Variants in PKD1 observed in about 807,000 individuals in gnomAD.
PKD1 encodes polycystin-1.
Under a neutral mutation model 361.7 loss-of-function variants are expected in PKD1, and 81 were observed. The ratio of observed to expected loss-of-function variants is 0.22; its 90% CI spans 0.19 to 0.27. PKD1 has a LOEUF of 0.27. PKD1 is among the 10% of genes least tolerant of loss of function. The probability of loss-of-function intolerance (pLI) is 1.00; values close to 1 mark genes in which losing one functional copy is unlikely to be tolerated. For missense variants in PKD1, 6,399 were observed against 6,118.3 expected (o/e 1.05, Z -1.53); for synonymous variants, 3,615 against 2,818.3 (o/e 1.28, Z -8.95).
At chr16:2,092,390 G>T in intron 39 of PKD1, 90 bp downstream of exon 39, 1 of 1,023,416 alleles carries the variant, frequency 9.8e-7, no homozygotes. Context: ...CACACAGCTA[G>T]GGAGCAGGGC....
rs965933883 is a variant in PKD1 at position 2,091,415 on chromosome 16, G to A, written c.11712+8C>T. On this transcript the variant is annotated splice_region_variant and intron_variant, in intron 42 of 45. Coordinates refer to ENST00000262304, the MANE Select transcript of PKD1 (RefSeq NM_001009944.3). ...GGAGGCGCGGGGTCTGGCCGGGGAC[G>A]GGCGTACCGAGGTGAGCAGAGGCAG... is the stretch of plus-strand genomic sequence containing the variant. The A allele has an allele frequency of 2.3e-5, 26 of 1,142,058 alleles. No homozygotes were observed. Among genetic ancestry groups the A allele is most frequent in the South Asian group, 3.3e-5 (1 of 29,856 alleles). The allele number at this position is 1,142,058 out of a possible 1,614,324, so 70.7% of individuals were successfully genotyped here. A position where few individuals can be genotyped will look rare whatever the true frequency, so the allele number is the denominator to read the frequency against.
Position 2,097,973 on chromosome 16 carries a change from G to C in PKD1, c.10062C>G (p.Ser3354Arg), listed in dbSNP as rs745944405. The change falls in exon 31 of 46, where the codon AGC (serine) becomes AGG (arginine). Residue 3354 changes from serine to arginine, a missense_variant. Ser to Arg is a moderately radical substitution (Grantham distance 110). Transcript: ENST00000262304. The part of the protein sequence containing the change: ...FRMSRSKVAG[S>R]PSPTPAGQQV... ...GCTGCCCGGCAGGTGTGGGGCTCGG[G>C]CTCCCAGCCACCTGCAGGACGAGGG... 24 of 1,580,866 alleles carry C rather than the reference G, an allele frequency of 1.5e-5. No homozygotes were observed. The South Asian group carries it at 1.6e-4, about 10-fold the overall frequency.
chr16:2,108,553 G>C lies in PKD1; in HGVS notation c.6614C>G (p.Ala2205Gly). 1.9e-6 allele frequency: 3 copies of C among 1,599,398 alleles called. No individual in the cohort carries two copies. Among genetic ancestry groups the C allele is most frequent in the African/African-American group, 2.7e-5 (2 of 74,696 alleles). The change falls in exon 15 of 46, where the codon GCC (alanine) becomes GGC (glycine). Residue 2205 changes from alanine (A) to glycine (G), a missense_variant. Physicochemically the swap from Ala to Gly is moderately conservative, Grantham distance 60 (BLOSUM62 0). Coordinates refer to ENST00000262304, the MANE Select transcript of PKD1 (RefSeq NM_001009944.3). ...CQRPGRPARV[A>G]LPGVDVSRPR... is the part of the protein sequence containing the mutation. Reference sequence around the variant, plus strand: ...CCGGCTCACGTCCACGCCGGGCAGGGCCACACGCGCTGGGCGCCCCGGCCG... The same window carrying C: ...CCGGCTCACGTCCACGCCGGGCAGGCCCACACGCGCTGGGCGCCCCGGCCG...
At chr16:2,091,757 G>C in intron 41 of PKD1, 24 bp downstream of exon 41, 2 of 1,608,976 alleles carry the variant, frequency 1.2e-6, no homozygotes, top group Non-Finnish European at 1.7e-6. Flanking sequence ...CCACCCCGGA[G>C]AGGGCAGGGG....
In PKD1 at chr16:2,105,157, C is replaced by T. The variant is rs1031541918; in HGVS notation, c.8016+165G>A. On this transcript the variant is annotated intron_variant, in intron 21 of 45. Transcript: ENST00000262304. Reference sequence around the variant, plus strand: ...CACCCTGCGTTCACACAGGACAGAACGGCTGAGGCTACTGAAGCAGGTCAG... The same window carrying T: ...CACCCTGCGTTCACACAGGACAGAATGGCTGAGGCTACTGAAGCAGGTCAG... 2.7e-5 allele frequency among the ~76,000 whole-genome samples: 4 copies of T among 149,410 alleles called. No homozygotes were observed. Among genetic ancestry groups the T allele is most frequent in the South Asian group, 2.1e-4 (1 of 4,748 alleles).
chr16:2,096,388 C>T (rs1014785991), intron 34 of PKD1, among the ~76,000 whole-genome samples: 10 of 152,278 alleles, frequency 6.6e-5, no homozygotes, highest in Non-Finnish European at 1.3e-4. Flanking sequence ...CGGGGTCACA[C>T]GCGTGGGAAC....
In PKD1 at chr16:2,115,568, A is replaced by G; in HGVS notation, c.1907T>C (p.Leu636Pro). The G allele has an allele frequency of 1.3e-6, 2 of 1,593,486 alleles. No individual in the cohort carries two copies. Among genetic ancestry groups the G allele is most frequent in the Non-Finnish European group, 8.6e-7 (1 of 1,168,880 alleles). ...TCCCCCTGGCATGCACGCGGGGGCC[A>G]GCTGGGTCCTGTTGTCCGGGGACCT... ...ESRSPDNRTQLAPACMPGGRW... is the reference protein window; with the variant it reads ...ESRSPDNRTQPAPACMPGGRW... The change falls in exon 10 of 46, where the codon CTG (leucine) becomes CCG (proline). Residue 636 changes from leucine to proline, a missense_variant. Coordinates refer to ENST00000262304, the MANE Select transcript of PKD1 (RefSeq NM_001009944.3).
Position 2,102,924 on chromosome 16 carries a change from T to C in PKD1, c.8838A>G (p.Leu2946=), listed in dbSNP as rs1063399. The C allele has an allele frequency of 4.4e-5, 70 of 1,609,112 alleles. 1 individual carries two copies. The South Asian group carries it at 5.5e-4, about 13-fold the overall frequency. The change falls in exon 24 of 46, where the codon CTA becomes CTG. Residue 2946 remains leucine, a synonymous_variant. Coordinates refer to ENST00000262304, the MANE Select transcript of PKD1 (RefSeq NM_001009944.3). ...GCTCATTGGGCCGGGGCTCCGAGTG[T>C]AGGTAGACTGCCAGGTAGGGCTCAG... ...EEPEPYLAVY[L]HSEPRPNEHN... is the part of the protein sequence containing the mutation.
At chr16:2,129,420 G>A (rs536384543) in intron 1 of PKD1, among the ~76,000 whole-genome samples, 21 of 151,812 alleles carry the variant, frequency 1.4e-4, no homozygotes, top group Non-Finnish European at 2.2e-4. Flanking sequence ...GAGGCACCGC[G>A]CCCGGCTGGA....
In PKD1 at chr16:2,111,317, C is replaced by A. The variant is rs1435751653; in HGVS notation, c.3850G>T (p.Ala1284Ser). 3 of 1,608,708 alleles carry A rather than the reference C, an allele frequency of 1.9e-6. No individual in the cohort carries two copies. The highest frequency in any genetic ancestry group is 2.5e-6 in the Non-Finnish European group (3 of 1,179,004). Residue 1284 changes from alanine to serine, a missense_variant, in exon 15 of 46, where the codon GCC (alanine) becomes TCC (serine). Physicochemically the swap from Ala to Ser is moderately conservative, Grantham distance 99. Transcript: ENST00000262304. ...VGAASPAGHL[A>S]RSLHVLVFVL... is the part of the protein sequence containing the mutation. ...AAGACCAGCACGTGCAGGCTCCGGG[C>A]CAGGTGGCCGGCGGGGCTGGCCGCA...
chr16:2,116,773 C>A (rs1443617095), intron 7 of PKD1, 60 bp downstream of exon 7: 3 of 1,149,610 alleles, frequency 2.6e-6, no homozygotes, highest in Non-Finnish European at 3.8e-6. Context: ...CCACCGCGGG[C>A]GCTCGGCAGG....
In PKD1 at chr16:2,097,312, A is replaced by G. The variant is rs201762369; in HGVS notation, c.10405+7T>C. 323 of 1,612,750 alleles carry G rather than the reference A, an allele frequency of 2.0e-4. 1 individual carries two copies. The South Asian group carries it at 2.0e-3, about 10-fold the overall frequency. On this transcript the variant is annotated splice_region_variant and intron_variant, in intron 33 of 45. Coordinates refer to ENST00000262304, the MANE Select transcript of PKD1 (RefSeq NM_001009944.3). The stretch of plus-strand genomic sequence containing the variant: ...CTTCAGAGCCCCCTCCTCTCACCCC[A>G]GCTCACCTGATGCTGAGAAGGATTT...
In PKD1 at chr16:2,093,915, A is replaced by T; in HGVS notation, c.10717T>A (p.Ser3573Thr). 6.3e-7 allele frequency: 1 copy of T among 1,582,446 alleles called. No individual in the cohort carries two copies. The highest frequency in any genetic ancestry group is 8.6e-7 in the Non-Finnish European group (1 of 1,169,012). ...LLLVAVAVAV[S>T]GWVGASFPPG... is the part of the protein sequence containing the mutation. Reference sequence around the variant, plus strand: ...GGGAAGCTCGCACCCACCCACCCTGAGACAGCCACAGCCACAGCCACCAGG... The same window carrying T: ...GGGAAGCTCGCACCCACCCACCCTGTGACAGCCACAGCCACAGCCACCAGG... Residue 3573 changes from serine to threonine, a missense_variant, in exon 36 of 46, where the codon TCA (serine) becomes ACA (threonine). Physicochemically the swap from Ser to Thr is moderately conservative, Grantham distance 58. Coordinates refer to ENST00000262304, the MANE Select transcript of PKD1 (RefSeq NM_001009944.3).
chr16:2,088,803 T>A lies in PKD1; in HGVS notation c.*924A>T. On this transcript the variant is annotated 3_prime_UTR_variant, in exon 46 of 46. Coordinates refer to ENST00000262304, the MANE Select transcript of PKD1 (RefSeq NM_001009944.3). ...GAAGCGGCCATGCCCACAGAAGTGGTACACAGAAGCAGGCACAGCCAGCTC... is the reference window on the plus strand; with the variant it reads ...GAAGCGGCCATGCCCACAGAAGTGGAACACAGAAGCAGGCACAGCCAGCTC... The A allele has an allele frequency of 1.3e-6, 1 of 754,196 alleles. No homozygotes were observed. The highest frequency in any genetic ancestry group is 2.1e-6 in the Non-Finnish European group (1 of 478,634). 46.7% of individuals were successfully genotyped at this position (754,196 alleles called of 1,614,324 possible).
At position 2,089,466 on chromosome 16, in the gene PKD1, T is replaced by A. The variant is rs1596469736; in HGVS notation, c.*261A>T. 1.9e-6 allele frequency: 1 copy of A among 538,078 alleles called. No homozygotes were observed. The highest frequency in any genetic ancestry group is 3.3e-5 in the Admixed American group (1 of 30,412). The allele number at this position is 538,078 out of a possible 1,614,324, so 33.3% of individuals were successfully genotyped here. A position where few individuals can be genotyped will look rare whatever the true frequency, so the allele number is the denominator to read the frequency against. ...CGCTGTACCTGAGGACTCGGGGAAA[T>A]AAATTAGCATCTCAGAGGCTAGAAA... On this transcript the variant is annotated 3_prime_UTR_variant, in exon 46 of 46. Transcript: ENST00000262304.
intron 22 of PKD1, among the ~76,000 whole-genome samples, 199 bp downstream of exon 22, chr16:2,104,299 T>G (rs1448181378): frequency 2.2e-5 from 1 of 45,586 alleles, no homozygotes; most frequent in African/African-American, 1.1e-4. Context: ...GGGAGAGAGA[T>G]GGAGAAAAGG....
rs773538022 is a variant in PKD1, at chr16:2,090,841, T to G, written c.12004-33A>C. On this transcript the variant is annotated intron_variant, in intron 43 of 45. Coordinates refer to ENST00000262304, the MANE Select transcript of PKD1 (RefSeq NM_001009944.3). ...CGAGAAATCTGTCTGCTTGCAGCCC[T>G]GGGGTGTGCGCCCAGCCCCGCGCCC... 5.0e-6 allele frequency: 8 copies of G among 1,610,852 alleles called. No individual in the cohort carries two copies. The South Asian group carries it at 8.8e-5, about 18-fold the overall frequency.
intron 1 of PKD1, among the ~76,000 whole-genome samples, chr16:2,129,636 G>C (rs1220674755): frequency 1.4e-5 from 2 of 143,732 alleles, no homozygotes; most frequent in African/African-American, 2.6e-5. Context: ...CTGCAGCCTT[G>C]ACCTCCTCGG....
In PKD1 at chr16:2,092,533, T is replaced by G; in HGVS notation, c.11216A>C (p.Gln3739Pro). 6.2e-7 allele frequency: 1 copy of G among 1,612,772 alleles called. No individual in the cohort carries two copies. Among genetic ancestry groups the G allele is most frequent in the Non-Finnish European group, 8.5e-7 (1 of 1,179,900 alleles). ...HVLLPYVHGNQSSPELGPPRL... is the reference protein window; with the variant it reads ...HVLLPYVHGNPSSPELGPPRL... The stretch of plus-strand genomic sequence containing the variant: ...TGGGGGCCCCAGCTCTGGGCTGGAC[T>G]GGTTCCCGTGGACGTAGGGCAGCAG... The change falls in exon 39 of 46, where the codon CAG (glutamine) becomes CCG (proline). Residue 3739 changes from glutamine (Q) to proline (P), a missense_variant. Physicochemically the swap from Gln to Pro is moderately conservative, Grantham distance 76. Coordinates refer to ENST00000262304, the MANE Select transcript of PKD1 (RefSeq NM_001009944.3).
Sources: gnomAD v4.1 joint callset for allele counts (sites outside exome capture counted in the v4.1 genomes callset) on GRCh38, gnomAD v4.1.1 for gene constraint, MANE v1.5 for transcripts, NCBI Gene and HGNC (gene_info 2026-07-23, HGNC 2026-07-21) for gene names.